Variants in KANK1 observed in about 807,000 individuals in gnomAD.
KANK1 encodes KN motif and ankyrin repeat domain-containing protein 1.
KANK1 carries 109 observed loss-of-function variants against 106.2 expected under a neutral mutation model. The ratio of observed to expected loss-of-function variants is 1.03; its 90% CI spans 0.88 to 1.20. KANK1 has a LOEUF of 1.20. KANK1 is among the 50% of genes most tolerant of loss of function. The pLI is 0.00. For synonymous variants in KANK1, 873 were observed against 652.2 expected (o/e 1.34, Z -5.16); for missense variants, 2,399 against 1,710.7 (o/e 1.40, Z -7.10).
At chr9:721,865 G>A (rs74736755) in intron 3 of KANK1, among the ~76,000 whole-genome samples, 3,979 of 152,302 alleles carry the variant, frequency 0.026, 182 homozygotes, top group East Asian at 0.18. Context: ...ACTTGAAGAC[G>A]GTTTCACTCC....
At chr9:665,149 G>GT (rs1697269663) in intron 1 of KANK1, among the ~76,000 whole-genome samples, 1 of 152,118 alleles carries the variant, frequency 6.6e-6, no homozygotes, top group Admixed American at 6.5e-5. Context: ...TTCCTTTGCT[G>GT]TGCAGAAGCT....
chr9:726,054 C>T (rs1218580668), intron 3 of KANK1, among the ~76,000 whole-genome samples: 3 of 152,164 alleles, frequency 2.0e-5, no homozygotes, highest in Non-Finnish European at 4.4e-5. Context: ...TATATCCTTC[C>T]ATGATTTTTC....
intron 1 of KANK1, among the ~76,000 whole-genome samples, chr9:542,088 C>CAA (rs57603321): frequency 1.2e-4 from 16 of 136,988 alleles, no homozygotes; most frequent in African/African-American, 2.7e-4. Flanking sequence ...GACTCCGTCT[C>CAA]AAAAAAAAAA....
intron 1 of KANK1, among the ~76,000 whole-genome samples, chr9:539,279 G>T (rs1349546406): frequency 6.6e-6 from 1 of 152,090 alleles, no homozygotes; most frequent in African/African-American, 2.4e-5. Flanking sequence ...TTTTTCCGCT[G>T]TAAAAAATTA....
At chr9:582,239 G>A (rs749055654) in intron 1 of KANK1, among the ~76,000 whole-genome samples, 1 of 152,034 alleles carries the variant, frequency 6.6e-6, no homozygotes, top group Non-Finnish European at 1.5e-5. Context: ...GAGTATGGGG[G>A]GTGTGTGTGG....
chr9:665,769 A>G (rs955001112), intron 1 of KANK1, among the ~76,000 whole-genome samples: 1 of 152,198 alleles, frequency 6.6e-6, no homozygotes, highest in Non-Finnish European at 1.5e-5. Flanking sequence ...TTTTAACAAT[A>G]TTCTTTCAAT....
At chr9:516,286 T>C (rs1293902285) in intron 1 of KANK1, among the ~76,000 whole-genome samples, 2 of 151,594 alleles carry the variant, frequency 1.3e-5, no homozygotes, top group African/African-American at 4.9e-5. Flanking sequence ...CCTTTTGGAG[T>C]TATACTTCAG....
At chr9:629,939 A>C (rs1563891371) in intron 1 of KANK1, among the ~76,000 whole-genome samples, 1 of 152,318 alleles carries the variant, frequency 6.6e-6, no homozygotes, top group South Asian at 2.1e-4. Context: ...TTTCAAGAAC[A>C]AAGGGAATAA....
chr9:629,723 G>C (rs1172126176), intron 1 of KANK1, among the ~76,000 whole-genome samples: 1 of 152,144 alleles, frequency 6.6e-6, no homozygotes, highest in Non-Finnish European at 1.5e-5. Flanking sequence ...CAAACGTGTT[G>C]GAGATATAAC....
intron 3 of KANK1, among the ~76,000 whole-genome samples, chr9:713,803 A>G (rs1217062942): frequency 7.8e-6 from 1 of 127,848 alleles, no homozygotes; most frequent in Non-Finnish European, 1.8e-5. Context: ...TTATTTATAG[A>G]ACTGCCTTTA....
intron 2 of KANK1, 28 bp from the exon 3 acceptor site, chr9:710,776 T>C (rs570145668): frequency 1.3e-6 from 2 of 1,541,234 alleles, no homozygotes; most frequent in South Asian, 2.6e-5. Flanking sequence ...TTGCATGTCA[T>C]TATAATATTC....
chr9:506,822 A>G (rs2058779366), intron 1 of KANK1, among the ~76,000 whole-genome samples: 1 of 152,154 alleles, frequency 6.6e-6, no homozygotes, highest in Non-Finnish European at 1.5e-5. Context: ...GGAACTGGGA[A>G]GAGGAATGGG....
intron 1 of KANK1, among the ~76,000 whole-genome samples, chr9:568,525 T>C (rs1269919813): frequency 3.9e-5 from 6 of 152,164 alleles, no homozygotes; most frequent in African/African-American, 1.2e-4. Context: ...ATCGTCACTC[T>C]GTTGCCCAGG....
chr9:651,126 C>T (rs757519642), intron 1 of KANK1, among the ~76,000 whole-genome samples: 1 of 152,054 alleles, frequency 6.6e-6, no homozygotes, highest in African/African-American at 2.4e-5. Flanking sequence ...TTTCGGAACC[C>T]CTTCAATTGT....
intron 1 of KANK1, among the ~76,000 whole-genome samples, chr9:512,660 T>C (rs1299061158): frequency 2.6e-5 from 4 of 152,106 alleles, no homozygotes; most frequent in Non-Finnish European, 5.9e-5. Flanking sequence ...TTTGCCAAAC[T>C]ATTGGTTGTA....
Position 732,586 on chromosome 9 carries a change from T to C in KANK1, c.3214T>C (p.Cys1072Arg), listed in dbSNP as rs750760889. The C allele has an allele frequency of 6.2e-7, 1 of 1,614,140 alleles. No individual in the cohort carries two copies. The highest frequency in any genetic ancestry group is 1.7e-5 in the Admixed American group (1 of 60,022). ...GGAAGATGAAATGCAGGTTCAAGAA[T>C]GTGAACCTGAGAAGGTGGAAATCAG... ...RVEDEMQVQE[C>R]EPEKVEIRER... The change falls in exon 6 of 12, where the codon TGT becomes CGT. Residue 1072 changes from cysteine to arginine, a missense_variant. Cys to Arg is a radical substitution (Grantham distance 180). Coordinates refer to ENST00000382297, the MANE Select transcript of KANK1 (RefSeq NM_015158.5).
chr9:630,915 G>C (rs550525088), intron 1 of KANK1, among the ~76,000 whole-genome samples: 1 of 151,844 alleles, frequency 6.6e-6, no homozygotes, highest in Non-Finnish European at 1.5e-5. Flanking sequence ...AGATCATGCC[G>C]CCACACCCTA....
chr9:694,771 A>C (rs1178960263), intron 2 of KANK1, among the ~76,000 whole-genome samples: 24 of 152,114 alleles, frequency 1.6e-4, no homozygotes, highest in Non-Finnish European at 2.5e-4. Flanking sequence ...CCAGAGTAGA[A>C]TTGGCAATAC....
At chr9:484,009 C>G (rs1295770931) in intron 3 of KANK1, among the ~76,000 whole-genome samples, 1 of 152,168 alleles carries the variant, frequency 6.6e-6, no homozygotes, top group Admixed American at 6.5e-5. Context: ...CCAAACAAAT[C>G]CGTCTGTCCC....
Sources: gnomAD v4.1 joint callset for allele counts (sites outside exome capture counted in the v4.1 genomes callset) on GRCh38, gnomAD v4.1.1 for gene constraint, MANE v1.5 for transcripts, NCBI Gene and HGNC (gene_info 2026-07-23, HGNC 2026-07-21) for gene names.